The following KCND3 variants were observed in gnomAD, a reference collection of about 807,000 sequenced individuals.
KCND3 encodes the protein A-type voltage-gated potassium channel KCND3.
KCND3 carries 9 observed loss-of-function variants against 51.1 expected under a neutral mutation model. That is an observed-to-expected ratio of 0.18 (90% CI 0.11 to 0.31). KCND3 has a LOEUF of 0.31. Ranked by LOEUF, KCND3 falls within the 10% of genes least tolerant of loss-of-function variation. The pLI, the probability that KCND3 is intolerant of heterozygous loss-of-function variation, is 1.00. For missense variants in KCND3, 526 were observed against 903.8 expected (o/e 0.58, Z 5.36); for synonymous variants, 349 against 368.0 (o/e 0.95, Z 0.59).
At chr1:111,836,348 C>T (rs898086486) in intron 2 of KCND3, among the ~76,000 whole-genome samples, 4 of 152,198 alleles carry the variant, frequency 2.6e-5, no homozygotes, top group East Asian at 3.8e-4. Context: ...CCCCGTCTCT[C>T]GCACCAGCCC....
At chr1:111,812,672 A>C (rs997792671) in intron 2 of KCND3, among the ~76,000 whole-genome samples, 2 of 152,184 alleles carry the variant, frequency 1.3e-5, no homozygotes. Context: ...TTTGCTTAAT[A>C]ACCTCTCTGG....
At chr1:111,866,037 T>G (rs920651383) in intron 2 of KCND3, among the ~76,000 whole-genome samples, 5 of 151,986 alleles carry the variant, frequency 3.3e-5, no homozygotes, top group Non-Finnish European at 7.4e-5. Context: ...TTGAAAAAAT[T>G]TTTCTTTTTG....
chr1:111,852,859 C>T (rs370415162), intron 2 of KCND3, among the ~76,000 whole-genome samples: 2 of 152,322 alleles, frequency 1.3e-5, no homozygotes, highest in African/African-American at 4.8e-5. Context: ...TTTTCTTCAG[C>T]TCCGCTCTGC....
chr1:111,970,263 C>T (rs1674255343), intron 2 of KCND3, among the ~76,000 whole-genome samples: 2 of 152,142 alleles, frequency 1.3e-5, no homozygotes, highest in Admixed American at 1.3e-4. Context: ...TTGATCCACT[C>T]ACCTCAGCCT....
chr1:111,855,162 T>A (rs984143745), intron 2 of KCND3, among the ~76,000 whole-genome samples: 4 of 152,206 alleles, frequency 2.6e-5, no homozygotes, highest in African/African-American at 9.6e-5. Flanking sequence ...AAACCCAGAC[T>A]GAAACCTCAC....
chr1:111,849,633 A>T (rs1667716886), intron 2 of KCND3, among the ~76,000 whole-genome samples: 1 of 152,216 alleles, frequency 6.6e-6, no homozygotes, highest in East Asian at 1.9e-4. Flanking sequence ...CCACTGGTAC[A>T]ACTGTGCAGG....
intron 2 of KCND3, among the ~76,000 whole-genome samples, chr1:111,853,104 G>A (rs563087422): frequency 6.6e-6 from 1 of 152,334 alleles, no homozygotes; most frequent in East Asian, 1.9e-4. Flanking sequence ...CCACTTTCCA[G>A]GTGGAGAAAT....
chr1:111,851,478 T>C (rs889027034), intron 2 of KCND3, among the ~76,000 whole-genome samples: 10 of 152,196 alleles, frequency 6.6e-5, no homozygotes, highest in Admixed American at 5.2e-4. Context: ...TGAAATGTCA[T>C]TGCCTCCCTT....
intron 2 of KCND3, among the ~76,000 whole-genome samples, chr1:111,798,075 A>T (rs1324165203): frequency 1.2e-4 from 19 of 152,182 alleles, no homozygotes; most frequent in Admixed American, 1.2e-3. Flanking sequence ...TGGGCTTAGT[A>T]ACTGACTCAC....
At chr1:111,965,470 A>ACACACGCC (rs1032832114) in intron 2 of KCND3, among the ~76,000 whole-genome samples, 1 of 150,558 alleles carries the variant, frequency 6.6e-6, no homozygotes, top group Non-Finnish European at 1.5e-5. Flanking sequence ...ACACACACAC[A>ACACACGCC]CACACACACA....
chr1:111,912,873 A>C (rs1455219205), intron 2 of KCND3, among the ~76,000 whole-genome samples: 3 of 152,256 alleles, frequency 2.0e-5, no homozygotes, highest in Non-Finnish European at 4.4e-5. Context: ...AAAGTTACAA[A>C]AATTAAAAAG....
At chr1:111,940,824 T>C (rs1017819060) in intron 2 of KCND3, among the ~76,000 whole-genome samples, 34 of 152,206 alleles carry the variant, frequency 2.2e-4, no homozygotes. Flanking sequence ...GGCATTCACA[T>C]TTTTTAATCT....
At chr1:111,860,435 G>C (rs929726519) in intron 2 of KCND3, among the ~76,000 whole-genome samples, 1 of 152,192 alleles carries the variant, frequency 6.6e-6, no homozygotes, top group African/African-American at 2.4e-5. Context: ...TGACAGCTCT[G>C]TCTAGGATAG....
intron 2 of KCND3, among the ~76,000 whole-genome samples, chr1:111,899,140 T>C (rs1300970516): frequency 6.6e-6 from 1 of 152,180 alleles, no homozygotes; most frequent in Non-Finnish European, 1.5e-5. Context: ...CCACAGTGAC[T>C]ACAAGGGTCA....
chr1:111,930,769 G>A lies in KCND3; in HGVS notation c.1106+50852C>T, dbSNP rs553161365. 8.5e-5 allele frequency among the ~76,000 whole-genome samples: 13 copies of A among 152,314 alleles called. No homozygotes were observed. The East Asian group carries it at 2.3e-3, about 27-fold the overall frequency. ...TCTCAGTTTCTCCTCCAGCAACATG[G>A]GGATTCTGGTTTCTATCTTCATTAT... is the stretch of plus-strand genomic sequence containing the variant. On this transcript the variant is annotated intron_variant, in intron 2 of 7. Coordinates refer to ENST00000302127, the MANE Select transcript of KCND3 (RefSeq NM_001378969.1).
intron 2 of KCND3, among the ~76,000 whole-genome samples, chr1:111,945,756 T>C (rs1327274557): frequency 6.6e-6 from 1 of 152,194 alleles, no homozygotes; most frequent in Non-Finnish European, 1.5e-5. Flanking sequence ...TGGGCTGTCA[T>C]CAGTGTTGCA....
intron 2 of KCND3, among the ~76,000 whole-genome samples, chr1:111,902,008 C>T (rs557408444): frequency 1.3e-4 from 20 of 152,328 alleles, no homozygotes; most frequent in African/African-American, 3.8e-4. Context: ...TAAGATCCCA[C>T]GTGCTCAGCG....
At chr1:111,887,664 A>C (rs557129565) in intron 2 of KCND3, among the ~76,000 whole-genome samples, 7 of 152,222 alleles carry the variant, frequency 4.6e-5, no homozygotes, top group Non-Finnish European at 8.8e-5. Context: ...AGCAGGCTGA[A>C]TCAGAGCAGA....
At position 111,805,458 on chromosome 1, in the gene KCND3, T is replaced by C. The variant is rs142887250; in HGVS notation, c.1107-18352A>G. ...TCTGCCCTCTCTGTCTCCCAGTTGGTAGGTTCCTTCCTGAGCCCCTCACAG... is the reference window on the plus strand; with the variant it reads ...TCTGCCCTCTCTGTCTCCCAGTTGGCAGGTTCCTTCCTGAGCCCCTCACAG... On this transcript the variant is annotated intron_variant, in intron 2 of 7. Transcript: ENST00000302127. Among the ~76,000 whole-genome samples the C allele has an allele frequency of 6.9e-3, 1,045 of 152,334 alleles. 11 individuals carry two copies. The highest frequency in any genetic ancestry group is 0.024 in the African/African-American group (1,007 of 41,574).
Sources: allele counts gnomAD v4.1 joint callset (sites outside exome capture counted in the v4.1 genomes callset), GRCh38; gene constraint gnomAD v4.1.1; transcripts MANE v1.5; gene names NCBI Gene and HGNC (gene_info 2026-07-23, HGNC 2026-07-21).